HS1BP3: variants seen among roughly 807,000 people sequenced by gnomAD.
HS1BP3 encodes the protein HCLS1 binding protein 3.
Under a neutral mutation model 33.5 loss-of-function variants are expected in HS1BP3, and 32 were observed. The ratio of observed to expected loss-of-function variants is 0.95; its 90% CI spans 0.72 to 1.28. HS1BP3 has a LOEUF of 1.28. HS1BP3 is among the 50% of genes most tolerant of loss of function. The probability of loss-of-function intolerance (pLI) is 0.00; values close to 1 mark genes in which losing one functional copy is unlikely to be tolerated. For missense variants in HS1BP3, 486 were observed against 502.3 expected, an observed-to-expected ratio of 0.97 and a Z score of 0.31; for synonymous variants, 187 against 209.2, an observed-to-expected ratio of 0.89 and a Z score of 0.92.
intron 1 of HS1BP3, among the ~76,000 whole-genome samples, chr2:20,647,729 C>G: frequency 6.6e-6 from 1 of 152,128 alleles, no homozygotes. Context: ...GGTATCTGGT[C>G]TCTGCTGCAG....
At chr2:20,596,879 C>G (rs191292023) in intron 3 of HS1BP3, among the ~76,000 whole-genome samples, 1 of 152,172 alleles carries the variant, frequency 6.6e-6, no homozygotes, top group African/African-American at 2.4e-5. Flanking sequence ...TCATAGGTAC[C>G]CCATCAGAAT....
At chr2:20,606,073 A>C (rs1694170434) in intron 2 of HS1BP3, among the ~76,000 whole-genome samples, 1 of 152,176 alleles carries the variant, frequency 6.6e-6, no homozygotes, top group African/African-American at 2.4e-5. Flanking sequence ...GCAGGGTATG[A>C]AGCTTTCAGT....
chr2:20,577,934 C>G (rs1173379779), intron 5 of HS1BP3, among the ~76,000 whole-genome samples: 5 of 152,264 alleles, frequency 3.3e-5, no homozygotes, highest in African/African-American at 4.8e-5. Context: ...CCTCAGGGCA[C>G]TCGTTCCTCA....
chr2:20,620,973 G>A (rs553174029), intron 6 of HS1BP3, among the ~76,000 whole-genome samples: 4 of 152,394 alleles, frequency 2.6e-5, no homozygotes, highest in Admixed American at 2.0e-4. Flanking sequence ...AGCAGGCTGG[G>A]AAGGCCTCCT....
At chr2:20,605,822 A>C (rs1051411317) in intron 2 of HS1BP3, among the ~76,000 whole-genome samples, 2 of 152,172 alleles carry the variant, frequency 1.3e-5, no homozygotes, top group African/African-American at 4.8e-5. Flanking sequence ...TGGATGGATA[A>C]ACCACATTTT....
intron 5 of HS1BP3, among the ~76,000 whole-genome samples, chr2:20,571,548 G>A (rs940048027): frequency 2.6e-5 from 4 of 152,318 alleles, no homozygotes; most frequent in South Asian, 2.1e-4. Context: ...ACAGACTGGC[G>A]CCATCGGTTG....
chr2:20,589,777 G>T (rs115767702), downstream of HS1BP3, among the ~76,000 whole-genome samples: 2,214 of 152,216 alleles, frequency 0.015, 60 homozygotes, highest in African/African-American at 0.051. Context: ...TGGAGGACTT[G>T]CAGCTATAGG....
intron 2 of HS1BP3, among the ~76,000 whole-genome samples, chr2:20,644,063 G>T (rs375992800): frequency 6.6e-5 from 10 of 152,134 alleles, no homozygotes; most frequent in Non-Finnish European, 1.0e-4. Context: ...AGCTAGCCCC[G>T]TGTCACTCCC....
At chr2:20,638,338 G>T (rs924900999) in intron 4 of HS1BP3, 98 bp downstream of exon 4, 6 of 1,229,958 alleles carry the variant, frequency 4.9e-6, no homozygotes, top group Non-Finnish European at 6.8e-6. Flanking sequence ...GGCGACCTGG[G>T]ATGCTCAGGG....
chr2:20,580,755 T>C (rs1693514010), intron 5 of HS1BP3, among the ~76,000 whole-genome samples: 1 of 152,158 alleles, frequency 6.6e-6, no homozygotes, highest in African/African-American at 2.4e-5. Flanking sequence ...TAATATCAAG[T>C]GCTGACAAAG....
rs755943886 is a variant in HS1BP3, at chr2:20,623,891, G to A, written c.920+5C>T. The A allele has an allele frequency of 3.1e-6, 5 of 1,611,018 alleles. No homozygotes were observed. Among genetic ancestry groups the A allele is most frequent in the South Asian group, 1.1e-5 (1 of 90,782 alleles). On this transcript the variant is annotated splice_donor_5th_base_variant and intron_variant, in intron 6 of 6. Coordinates refer to ENST00000304031, the MANE Select transcript of HS1BP3 (RefSeq NM_022460.4). ...TGGCCAAGCGCCGCTGGGGACAGGT[G>A]GTACCTGAACAGTTCCTTGGAGGCG...
intron 6 of HS1BP3, 110 bp downstream of exon 6, chr2:20,623,786 G>T (rs1694678605): frequency 7.9e-7 from 1 of 1,263,064 alleles, no homozygotes; most frequent in African/African-American, 1.5e-5. Context: ...ACAGGCCTGG[G>T]GTCCTCCCCT....
intron 2 of HS1BP3, among the ~76,000 whole-genome samples, chr2:20,609,177 C>T (rs1031042944): frequency 6.6e-6 from 1 of 152,158 alleles, no homozygotes; most frequent in African/African-American, 2.4e-5. Context: ...TCCTTGGGGG[C>T]AGAGGCCGCC....
At chr2:20,633,130 C>T (rs963892865) in intron 4 of HS1BP3, among the ~76,000 whole-genome samples, 5 of 152,194 alleles carry the variant, frequency 3.3e-5, no homozygotes, top group South Asian at 2.1e-4. Flanking sequence ...ACTCAGCGTC[C>T]GCCAGCTGAG....
intron 5 of HS1BP3, among the ~76,000 whole-genome samples, chr2:20,572,744 G>A (rs1328066264): frequency 6.6e-6 from 1 of 152,150 alleles, no homozygotes; most frequent in Middle Eastern, 3.2e-3. Context: ...CTGGAGCCCG[G>A]GGATCAGCTC....
Position 20,576,852 on chromosome 2 carries a change from T to G in HS1BP3, c.303-16337A>C, listed in dbSNP as rs1378596511. Among the ~76,000 whole-genome samples the G allele has an allele frequency of 3.9e-5, 6 of 152,228 alleles. No individual in the cohort carries two copies. The South Asian group carries it at 8.3e-4, about 21-fold the overall frequency. Reference sequence around the variant, plus strand: ...TGCAGGCTGAAGTTTCTGTTTCTGTTTCGGTTACGTATAGAAGCAGTTGCT... The same window carrying G: ...TGCAGGCTGAAGTTTCTGTTTCTGTGTCGGTTACGTATAGAAGCAGTTGCT... On this transcript the variant is annotated intron_variant, in intron 5 of 5. Transcript: ENST00000446825.
At chr2:20,562,417 T>C (rs1190805269) in intron 5 of HS1BP3, among the ~76,000 whole-genome samples, 1 of 152,212 alleles carries the variant, frequency 6.6e-6, no homozygotes, top group African/African-American at 2.4e-5. Flanking sequence ...AGTTTGAGGC[T>C]GTAGTGAGCT....
chr2:20,572,317 A>C (rs560779931), intron 5 of HS1BP3, among the ~76,000 whole-genome samples: 1 of 152,304 alleles, frequency 6.6e-6, no homozygotes, highest in East Asian at 1.9e-4. Flanking sequence ...CTATCAGAAC[A>C]CTTCCTCCGT....
At chr2:20,619,556 G>T (rs896733) in intron 6 of HS1BP3, among the ~76,000 whole-genome samples, 115,012 of 152,122 alleles carry the variant, frequency 0.76, 44,077 homozygotes, top group East Asian at 0.92. Context: ...CCTTCTGTAG[G>T]GGGCTTTCCC....
Sources: allele counts gnomAD v4.1 joint callset (sites outside exome capture counted in the v4.1 genomes callset), GRCh38; gene constraint gnomAD v4.1.1; transcripts MANE v1.5; gene names NCBI Gene and HGNC (gene_info 2026-07-23, HGNC 2026-07-21).